PARD3: variants seen among roughly 807,000 people sequenced by gnomAD.
PARD3 encodes the protein par-3 family cell polarity regulator.
Under a neutral mutation model 155.4 loss-of-function variants are expected in PARD3, and 75 were observed. That is an observed-to-expected ratio of 0.48 (90% CI 0.40 to 0.58). The LOEUF (loss-of-function observed/expected upper bound fraction) is 0.58. PARD3 is among the 20% of genes least tolerant of loss of function. PARD3 has a pLI of 0.00. For synonymous variants in PARD3, 576 were observed against 610.5 expected, an observed-to-expected ratio of 0.94 and a Z score of 0.83; for missense variants, 1,642 against 1,721.7, an observed-to-expected ratio of 0.95 and a Z score of 0.82.
At chr10:34,670,500 G>A (rs1187623304) in intron 2 of PARD3, among the ~76,000 whole-genome samples, 3 of 152,184 alleles carry the variant, frequency 2.0e-5, no homozygotes, top group Admixed American at 2.0e-4. Flanking sequence ...GCAATGTTTA[G>A]GCTGGATTCA....
chr10:34,203,739 C>T (rs1273339980), intron 22 of PARD3, among the ~76,000 whole-genome samples: 1 of 152,152 alleles, frequency 6.6e-6, no homozygotes, highest in Non-Finnish European at 1.5e-5. Context: ...CGATGCAGAA[C>T]CCATGAATGC....
intron 2 of PARD3, among the ~76,000 whole-genome samples, chr10:34,633,136 T>C (rs1224137292): frequency 6.6e-6 from 1 of 152,202 alleles, no homozygotes; most frequent in Non-Finnish European, 1.5e-5. Context: ...TTAACTAACA[T>C]TTCCATCCCC....
chr10:34,164,157 C>G (rs1949413058), intron 22 of PARD3, among the ~76,000 whole-genome samples: 1 of 152,078 alleles, frequency 6.6e-6, no homozygotes, highest in Non-Finnish European at 1.5e-5. Context: ...AAACAAAGAG[C>G]CACCAACTAA....
chr10:34,550,372 C>T (rs1021394202), intron 2 of PARD3, among the ~76,000 whole-genome samples: 1 of 152,070 alleles, frequency 6.6e-6, no homozygotes, highest in African/African-American at 2.4e-5. Context: ...CCACCACACC[C>T]GGCTAATTTT....
intron 5 of PARD3, among the ~76,000 whole-genome samples, chr10:34,407,619 T>C (rs1245632561): frequency 6.6e-6 from 1 of 152,158 alleles, no homozygotes; most frequent in Admixed American, 6.5e-5. Context: ...CTACCTTTAT[T>C]AGGATTCCAG....
At chr10:34,310,589 C>G (rs1957650613) in intron 20 of PARD3, among the ~76,000 whole-genome samples, 1 of 152,200 alleles carries the variant, frequency 6.6e-6, no homozygotes, top group African/African-American at 2.4e-5. Context: ...TTTGTGCCTC[C>G]TCAGCTTCCT....
At chr10:34,219,638 G>A (rs985265604) in intron 22 of PARD3, among the ~76,000 whole-genome samples, 7 of 152,108 alleles carry the variant, frequency 4.6e-5, no homozygotes, top group African/African-American at 9.7e-5. Flanking sequence ...CAGGTGTTTC[G>A]AAGTTCCTTG....
At chr10:34,527,305 C>A (rs1657220) in intron 2 of PARD3, among the ~76,000 whole-genome samples, 1 of 152,080 alleles carries the variant, frequency 6.6e-6, no homozygotes, top group African/African-American at 2.4e-5. Flanking sequence ...TCCAAGGCAA[C>A]CTGCCCTTTG....
At chr10:34,511,531 G>C (rs762999717) in intron 3 of PARD3, among the ~76,000 whole-genome samples, 3 of 152,130 alleles carry the variant, frequency 2.0e-5, no homozygotes, top group Non-Finnish European at 4.4e-5. Context: ...GAAAGAGAAT[G>C]AATGCAGCAT....
At chr10:34,369,637 A>G (rs1278360063) in intron 12 of PARD3, among the ~76,000 whole-genome samples, 6 of 152,218 alleles carry the variant, frequency 3.9e-5, no homozygotes, top group Admixed American at 3.9e-4. Context: ...AGTTCCTGAC[A>G]GAAGTAATAT....
chr10:34,622,160 A>G (rs1451319366), intron 2 of PARD3, among the ~76,000 whole-genome samples: 1 of 152,214 alleles, frequency 6.6e-6, no homozygotes, highest in African/African-American at 2.4e-5. Flanking sequence ...AATATTACAC[A>G]TCTATTAGAA....
At chr10:34,306,172 T>C (rs2134054585) in intron 20 of PARD3, among the ~76,000 whole-genome samples, 1 of 150,162 alleles carries the variant, frequency 6.7e-6, no homozygotes, top group Non-Finnish European at 1.5e-5. Flanking sequence ...TAATCGCAGC[T>C]ACTTGGGAGG....
In PARD3 at chr10:34,782,847, C is replaced by T. The variant is rs565895660; in HGVS notation, c.120+32029G>A. 2.0e-5 allele frequency among the ~76,000 whole-genome samples: 3 copies of T among 152,216 alleles called. No individual in the cohort carries two copies. In the South Asian group the frequency reaches 6.2e-4, roughly 32 times the overall value. ...GTTCCAGCAATTCTCCTGCCCCAGC[C>T]TCCCAGGTAGCTGGGATTACAGGCA... On this transcript the variant is annotated intron_variant, in intron 1 of 24. Coordinates refer to ENST00000374788, the MANE Select transcript of PARD3 (RefSeq NM_001184785.2).
intron 23 of PARD3, among the ~76,000 whole-genome samples, chr10:34,120,892 C>T (rs1022217540): frequency 2.6e-4 from 40 of 151,852 alleles, no homozygotes; most frequent in African/African-American, 9.2e-4. Flanking sequence ...CCTGTCTCCA[C>T]AAAAAAATTT....
intron 4 of PARD3, among the ~76,000 whole-genome samples, chr10:34,467,688 G>C (rs1435226423): frequency 2.0e-5 from 3 of 152,102 alleles, no homozygotes; most frequent in African/African-American, 4.8e-5. Context: ...AGAAGTTGTA[G>C]TGAGCTGAGA....
rs1479266870 is a variant in PARD3 at position 34,109,697 on chromosome 10, A to G, written c.*1472T>C. ...CGTACACTGGTAACACCACTTAGAC[A>G]CCGCCGCACGTGATTAAGAAACAGA... On this transcript the variant is annotated 3_prime_UTR_variant, in exon 25 of 25. Transcript: ENST00000374788. 1 of 151,932 alleles carries G rather than the reference A, an allele frequency of 6.6e-6. No homozygotes were observed. Among genetic ancestry groups the G allele is most frequent in the African/African-American group, 2.4e-5 (1 of 41,332 alleles). The allele number at this position is 151,932 out of a possible 1,614,324, so 9.4% of individuals were successfully genotyped here. A position where few individuals can be genotyped will look rare whatever the true frequency, so the allele number is the denominator to read the frequency against.
At chr10:34,438,476 A>G (rs1362587090) in intron 5 of PARD3, among the ~76,000 whole-genome samples, 2 of 152,220 alleles carry the variant, frequency 1.3e-5, no homozygotes, top group East Asian at 1.9e-4. Context: ...TTTATAGCCC[A>G]TAATTAATGA....
rs146819803 is a variant in PARD3 at position 34,550,923 on chromosome 10, T to C, written c.223-33764A>G. The stretch of plus-strand genomic sequence containing the variant: ...CACAGATACAGTGTTTCGTATTACA[T>C]ATGCCCTTCACTTTCAAGCACGAGC... On this transcript the variant is annotated intron_variant, in intron 2 of 24. Transcript: ENST00000374788. Among the ~76,000 whole-genome samples, 310 of 152,320 alleles carry C rather than the reference T, an allele frequency of 2.0e-3. 1 individual carries two copies. Among genetic ancestry groups the C allele is most frequent in the African/African-American group, 7.0e-3 (293 of 41,578 alleles).
chr10:34,312,459 T>G, intron 20 of PARD3: 1 of 1,408,916 alleles, frequency 7.1e-7, no homozygotes, highest in Non-Finnish European at 1.0e-6. Flanking sequence ...TGTTCTTTTC[T>G]CAAATGCCTA....
Sources: allele counts gnomAD v4.1 joint callset (sites outside exome capture counted in the v4.1 genomes callset), GRCh38; gene constraint gnomAD v4.1.1; transcripts MANE v1.5; gene names NCBI Gene and HGNC (gene_info 2026-07-23, HGNC 2026-07-21).